The following RBM20 variants were observed in gnomAD, a reference collection of about 807,000 sequenced individuals.
The protein encoded by RBM20 is RNA binding motif protein 20.
Under a neutral mutation model 110.1 loss-of-function variants are expected in RBM20, and 51 were observed. The observed-to-expected ratio is 0.46, with a 90% CI of 0.37 to 0.59. RBM20 has a LOEUF of 0.59. Among genes scored for constraint, RBM20 ranks in the 20% least tolerant of loss-of-function variants. The pLI is 0.00. For synonymous variants in RBM20, 589 were observed against 618.2 expected, an observed-to-expected ratio of 0.95 and a Z score of 0.70; for missense variants, 1,512 against 1,574.9, an observed-to-expected ratio of 0.96 and a Z score of 0.68.
chr10:110,810,961 C>T (rs1844760772), intron 8 of RBM20, among the ~76,000 whole-genome samples: 1 of 152,174 alleles, frequency 6.6e-6, no homozygotes, highest in Non-Finnish European at 1.5e-5. Context: ...GTTATTTGAA[C>T]AGTCACTTTC....
chr10:110,756,000 A>G (rs1321409490), intron 1 of RBM20, among the ~76,000 whole-genome samples: 5 of 152,168 alleles, frequency 3.3e-5, no homozygotes, highest in Non-Finnish European at 7.3e-5. Context: ...CTCTTCTCTC[A>G]TGCATGCCCT....
intron 5 of RBM20, among the ~76,000 whole-genome samples, chr10:110,790,034 C>T (rs964655733): frequency 3.9e-5 from 6 of 152,140 alleles, no homozygotes; most frequent in African/African-American, 1.4e-4. Flanking sequence ...CCACCCTGAC[C>T]TGGGATGATA....
chr10:110,821,256 A>AT lies in RBM20; in HGVS notation c.2656-17dup, dbSNP rs1341270357. On this transcript the variant is annotated intron_variant, in intron 10 of 13. Coordinates refer to ENST00000369519, the MANE Select transcript of RBM20 (RefSeq NM_001134363.3). ...TGCTCTCAACCACCCTCTGACCTCC[A>AT]TTCTGCATTTTTGTACAGGAACAAG... 1 of 1,546,322 alleles carries AT rather than the reference A, an allele frequency of 6.5e-7. No homozygotes were observed. The highest frequency in any genetic ancestry group is 2.0e-5 in the Admixed American group (1 of 50,854).
Position 110,699,194 on chromosome 10 carries a change from G to C in RBM20, c.191+54549G>C, listed in dbSNP as rs191920927. ...GATGATGGAGATCCGGCAGGCAGTG[G>C]CTTCTTACTCAAGGCATGCTGATTT... On this transcript the variant is annotated intron_variant, in intron 1 of 13. Coordinates refer to ENST00000369519, the MANE Select transcript of RBM20 (RefSeq NM_001134363.3). 1.5e-3 allele frequency among the ~76,000 whole-genome samples: 223 copies of C among 151,524 alleles called. 1 individual carries two copies. The highest frequency in any genetic ancestry group is 6.9e-3 in the Middle Eastern group (2 of 290).
intron 13 of RBM20, chr10:110,835,339 C>CTTTTTTTTTTTT (rs35808301): frequency 1.9e-5 from 2 of 104,210 alleles, no homozygotes; most frequent in African/African-American, 7.1e-5. Flanking sequence ...TTTTTTTTTT[C>CTTTTTTTTTTTT]TTTTTTTTTT....
chr10:110,822,466 C>T (rs1335873192), intron 11 of RBM20: 3 of 456,840 alleles, frequency 6.6e-6, no homozygotes, highest in Non-Finnish European at 1.3e-5. Context: ...AGGATATTCT[C>T]TCACTCCATT....
chr10:110,754,080 C>CT (rs747554201), intron 1 of RBM20, among the ~76,000 whole-genome samples: 49 of 152,334 alleles, frequency 3.2e-4, no homozygotes, highest in African/African-American at 8.9e-4. Context: ...CTTCCAGGGA[C>CT]TATGACCTGA....
chr10:110,666,602 T>C (rs947100770), intron 1 of RBM20, among the ~76,000 whole-genome samples: 3 of 152,108 alleles, frequency 2.0e-5, no homozygotes, highest in Admixed American at 2.0e-4. Flanking sequence ...GCTATGATTA[T>C]ACCACTGCAC....
Position 110,821,436 on chromosome 10 carries a change from C to T in RBM20, c.2817C>T (p.Asp939=), listed in dbSNP as rs1225833082. Reference sequence around the variant, plus strand: ...AAATTGTGCCCATTGACCAGAAAGACAAAATTTGCCCAGAAACATGTCTGT... The same window carrying T: ...AAATTGTGCCCATTGACCAGAAAGATAAAATTTGCCCAGAAACATGTCTGT... ...LEEIVPIDQK[D]KICPETCLCV... Residue 939 remains aspartate, a synonymous_variant, in exon 11 of 14, where the codon GAC becomes GAT. Coordinates refer to ENST00000369519, the MANE Select transcript of RBM20 (RefSeq NM_001134363.3). 1.9e-6 allele frequency: 3 copies of T among 1,551,766 alleles called. No homozygotes were observed. The highest frequency in any genetic ancestry group is 8.7e-7 in the Non-Finnish European group (1 of 1,147,012).
chr10:110,770,262 T>C (rs1254825812), intron 1 of RBM20, among the ~76,000 whole-genome samples: 1 of 152,168 alleles, frequency 6.6e-6, no homozygotes, highest in Non-Finnish European at 1.5e-5. Context: ...TTACTGCTGT[T>C]ATTTCACCTT....
chr10:110,820,400 C>T (rs1844893722), intron 10 of RBM20, among the ~76,000 whole-genome samples: 1 of 152,194 alleles, frequency 6.6e-6, no homozygotes, highest in African/African-American at 2.4e-5. Context: ...GGGCTCTGCT[C>T]ACTCTCCAGC....
intron 7 of RBM20, among the ~76,000 whole-genome samples, chr10:110,809,523 T>G (rs1166491412): frequency 6.6e-6 from 1 of 152,138 alleles, no homozygotes; most frequent in East Asian, 1.9e-4. Context: ...ATTTTGGTTA[T>G]CATGTGTCCA....
rs1303207686 is a variant in RBM20 at position 110,835,856 on chromosome 10, T to C, written c.3574-12T>C. 1.3e-6 allele frequency: 2 copies of C among 1,550,738 alleles called. No individual in the cohort carries two copies. The highest frequency in any genetic ancestry group is 2.0e-5 in the Admixed American group (1 of 50,962). On this transcript the variant is annotated splice_polypyrimidine_tract_variant and intron_variant, in intron 13 of 13. Transcript: ENST00000369519. ...CATGCCCCTTCCTCCACTTCCCCTC[T>C]TCTTTCCACAGAAATATTTGTCCCA...
At chr10:110,728,015 T>C (rs1590639978) in intron 1 of RBM20, among the ~76,000 whole-genome samples, 1 of 152,214 alleles carries the variant, frequency 6.6e-6, no homozygotes, top group Non-Finnish European at 1.5e-5. Context: ...TATTTCACGG[T>C]ATATATGTGC....
intron 1 of RBM20, among the ~76,000 whole-genome samples, chr10:110,690,833 T>C (rs1256489611): frequency 6.6e-6 from 1 of 150,502 alleles, no homozygotes; most frequent in African/African-American, 2.4e-5. Context: ...TTTCACCTTT[T>C]GGCTATTGTG....
At chr10:110,744,389 G>A (rs867331) in intron 1 of RBM20, among the ~76,000 whole-genome samples, 56,726 of 152,008 alleles carry the variant, frequency 0.37, 11,186 homozygotes, top group East Asian at 0.57. Context: ...TGATGCTTGT[G>A]GCTGGGAAAC....
chr10:110,814,772 G>A (rs1335815737), intron 9 of RBM20, among the ~76,000 whole-genome samples: 1 of 152,230 alleles, frequency 6.6e-6, no homozygotes, highest in East Asian at 1.9e-4. Flanking sequence ...GGGATTACAG[G>A]CGTGAGCCGC....
intron 1 of RBM20, among the ~76,000 whole-genome samples, chr10:110,755,976 C>T (rs1341493916): frequency 6.6e-6 from 1 of 152,214 alleles, no homozygotes; most frequent in Non-Finnish European, 1.5e-5. Context: ...GTGGAGACAG[C>T]GTTAGTCAGC....
In RBM20 at chr10:110,784,644, T is replaced by C. The variant is rs921489680; in HGVS notation, c.1430-148T>C. ...ACTTGAGACGTAAAGCTTTGCTGAT[T>C]ATCAGCATGTCCAGAGGTACAATCA... On this transcript the variant is annotated intron_variant, in intron 4 of 13. Coordinates refer to ENST00000369519, the MANE Select transcript of RBM20 (RefSeq NM_001134363.3). 6 of 705,710 alleles carry C rather than the reference T, an allele frequency of 8.5e-6. No individual in the cohort carries two copies. The African/African-American group carries it at 8.8e-5, about 10-fold the overall frequency. 43.7% of individuals were successfully genotyped at this position (705,710 alleles called of 1,614,324 possible).
Sources: gnomAD v4.1 joint callset for allele counts (sites outside exome capture counted in the v4.1 genomes callset) on GRCh38, gnomAD v4.1.1 for gene constraint, MANE v1.5 for transcripts, NCBI Gene and HGNC (gene_info 2026-07-23, HGNC 2026-07-21) for gene names.